Variants in C1orf87 observed in about 807,000 individuals in gnomAD.
C1orf87 encodes uncharacterized protein C1orf87.
In C1orf87, 58 loss-of-function variants were observed where a neutral mutation model predicts 60.5. The ratio of observed to expected loss-of-function variants is 0.96; its 90% CI spans 0.78 to 1.19. The LOEUF (loss-of-function observed/expected upper bound fraction) is 1.19, where lower values mean the gene tolerates loss of function less well. C1orf87 is among the 50% of genes most tolerant of loss of function. The pLI, the probability that C1orf87 is intolerant of heterozygous loss-of-function variation, is 0.00. For synonymous variants in C1orf87, 236 were observed against 227.4 expected, an observed-to-expected ratio of 1.04 and a Z score of -0.34; for missense variants, 673 against 638.6, an observed-to-expected ratio of 1.05 and a Z score of -0.58.
At chr1:60,065,542 T>G (rs1197267130) in intron 2 of C1orf87, among the ~76,000 whole-genome samples, 1 of 152,092 alleles carries the variant, frequency 6.6e-6, no homozygotes, top group African/African-American at 2.4e-5. Flanking sequence ...GCATGAACAA[T>G]CATTGTTTAT....
At chr1:60,042,335 A>C (rs1342630200) in intron 3 of C1orf87, among the ~76,000 whole-genome samples, 2 of 152,046 alleles carry the variant, frequency 1.3e-5, no homozygotes, top group African/African-American at 4.8e-5. Flanking sequence ...CCCGGGTTCA[A>C]GTGATTCTCC....
intron 11 of C1orf87, among the ~76,000 whole-genome samples, chr1:59,995,503 T>C (rs1374467084): frequency 6.6e-6 from 1 of 152,156 alleles, no homozygotes; most frequent in Non-Finnish European, 1.5e-5. Context: ...CCTCCAGCAG[T>C]CCTGTCTTGG....
At chr1:60,041,165 C>G in intron 3 of C1orf87, 34 bp from the exon 4 acceptor site, 1 of 1,478,730 alleles carries the variant, frequency 6.8e-7, no homozygotes, top group South Asian at 1.4e-5. Context: ...AAGCAAGGAG[C>G]AGAAGAGGAG....
intron 9 of C1orf87, among the ~76,000 whole-genome samples, chr1:60,001,516 G>C (rs1441270308): frequency 6.6e-6 from 1 of 152,080 alleles, no homozygotes; most frequent in Admixed American, 6.6e-5. Flanking sequence ...TTCGCAACCT[G>C]AAGGATTGGT....
intron 7 of C1orf87, among the ~76,000 whole-genome samples, chr1:60,030,514 T>C (rs1217086369): frequency 6.6e-6 from 1 of 152,148 alleles, no homozygotes; most frequent in East Asian, 1.9e-4. Flanking sequence ...TACATGAAAA[T>C]GAAGCAAAGA....
intron 8 of C1orf87, among the ~76,000 whole-genome samples, chr1:60,023,304 CT>C (rs1444319687): frequency 6.6e-6 from 1 of 152,062 alleles, no homozygotes; most frequent in Non-Finnish European, 1.5e-5. Flanking sequence ...CCCTCTCTTC[CT>C]TTTCTGAGAT....
At chr1:59,992,180 G>A (rs1384681089) in intron 11 of C1orf87, among the ~76,000 whole-genome samples, 1 of 152,014 alleles carries the variant, frequency 6.6e-6, no homozygotes, top group Non-Finnish European at 1.5e-5. Context: ...AACCACTACA[G>A]TACGTTATGG....
chr1:60,040,009 T>G lies in C1orf87; in HGVS notation c.655A>C (p.Ser219Arg). ...SSGFLLQSQL[S>R]RLFLKHEVPL... ...ACTTCATGCTTCAAAAAGAGGCGGC[T>G]CAGCTGAGATTGGAGAAGAAATCCT... The change falls in exon 5 of 12, where the codon AGC (serine) becomes CGC (arginine). Residue 219 changes from serine (S) to arginine (R), a missense_variant. Coordinates refer to ENST00000371201, the MANE Select transcript of C1orf87 (RefSeq NM_152377.3). The G allele has an allele frequency of 6.2e-7, 1 of 1,614,188 alleles. No homozygotes were observed. The highest frequency in any genetic ancestry group is 8.5e-7 in the Non-Finnish European group (1 of 1,180,024).
At chr1:59,991,758 T>G (rs1314612973) in intron 11 of C1orf87, among the ~76,000 whole-genome samples, 1 of 152,160 alleles carries the variant, frequency 6.6e-6, no homozygotes, top group Non-Finnish European at 1.5e-5. Flanking sequence ...ACATTATATA[T>G]GCCAATACCA....
chr1:60,010,482 T>G (rs574410575), intron 8 of C1orf87, 26 bp from the exon 9 acceptor site: 12 of 1,596,702 alleles, frequency 7.5e-6, no homozygotes, highest in Admixed American at 1.7e-5. Flanking sequence ...AAACATAAAT[T>G]GGTGATCAAT....
intron 2 of C1orf87, 23 bp downstream of exon 2, chr1:60,072,514 A>G: frequency 6.6e-7 from 1 of 1,512,128 alleles, no homozygotes; most frequent in Non-Finnish European, 9.1e-7. Flanking sequence ...AGCAACATAG[A>G]TATTTTTCAA....
intron 8 of C1orf87, among the ~76,000 whole-genome samples, chr1:60,019,487 C>T (rs1645147488): frequency 6.6e-6 from 1 of 152,070 alleles, no homozygotes; most frequent in Admixed American, 6.6e-5. Flanking sequence ...GAGTGGGGCA[C>T]TGCTATAAAG....
intron 2 of C1orf87, among the ~76,000 whole-genome samples, chr1:60,061,096 T>C (rs1397316669): frequency 6.6e-6 from 1 of 152,202 alleles, no homozygotes; most frequent in East Asian, 1.9e-4. Flanking sequence ...CTGCATCACG[T>C]CTGGATGCAT....
chr1:60,053,059 G>C (rs977726515), intron 3 of C1orf87, among the ~76,000 whole-genome samples: 5 of 152,212 alleles, frequency 3.3e-5, no homozygotes, highest in African/African-American at 1.2e-4. Context: ...AAATAATCCA[G>C]ATCATGGAGG....
At chr1:60,056,662 G>A (rs1645458900) in intron 2 of C1orf87, among the ~76,000 whole-genome samples, 1 of 152,108 alleles carries the variant, frequency 6.6e-6, no homozygotes. Context: ...CAGTATCTCC[G>A]GGTGGTAGAA....
intron 9 of C1orf87, among the ~76,000 whole-genome samples, chr1:60,008,237 C>T (rs1645059608): frequency 6.6e-6 from 1 of 152,016 alleles, no homozygotes; most frequent in African/African-American, 2.4e-5. Flanking sequence ...TCACAATCAC[C>T]CTATAAGATC....
intron 8 of C1orf87, among the ~76,000 whole-genome samples, chr1:60,012,825 C>A (rs1645097649): frequency 6.6e-6 from 1 of 152,124 alleles, no homozygotes; most frequent in South Asian, 2.1e-4. Context: ...TCCAAAGGCA[C>A]ATGGATCAAT....
At chr1:59,996,262 C>T (rs1008531346) in intron 11 of C1orf87, among the ~76,000 whole-genome samples, 25 of 152,114 alleles carry the variant, frequency 1.6e-4, no homozygotes, top group African/African-American at 6.0e-4. Context: ...CTTCATGAAC[C>T]ACAGTATGTA....
chr1:60,072,675 G>A lies in C1orf87; in HGVS notation c.-27-5C>T. ...TTTCAAAATCCCTTCAGATCCCTAG[G>A]GGTGAAAATAAGTAAATTGTTCCTC... On this transcript the variant is annotated splice_region_variant and splice_polypyrimidine_tract_variant and intron_variant, in intron 1 of 11. Coordinates refer to ENST00000371201, the MANE Select transcript of C1orf87 (RefSeq NM_152377.3). 6.8e-7 allele frequency: 1 copy of A among 1,481,204 alleles called. No homozygotes were observed. The highest frequency in any genetic ancestry group is 9.3e-7 in the Non-Finnish European group (1 of 1,078,488). 91.8% of individuals were successfully genotyped at this position (1,481,204 alleles called of 1,614,324 possible). A position where few individuals can be genotyped will look rare whatever the true frequency, so the allele number is the denominator to read the frequency against.
Sources: gnomAD v4.1 joint callset for allele counts (sites outside exome capture counted in the v4.1 genomes callset) on GRCh38, gnomAD v4.1.1 for gene constraint, MANE v1.5 for transcripts, NCBI Gene and HGNC (gene_info 2026-07-23, HGNC 2026-07-21) for gene names.